Variants in SEPTIN1 observed in about 807,000 individuals in gnomAD.
SEPTIN1 encodes septin-1.
Under a neutral mutation model 50.7 loss-of-function variants are expected in SEPTIN1, and 52 were observed. The ratio of observed to expected loss-of-function variants is 1.03; its 90% CI spans 0.82 to 1.29. The LOEUF is 1.29. Among genes scored for constraint, SEPTIN1 ranks in the 50% most tolerant of loss-of-function variants. The pLI, the probability that SEPTIN1 is intolerant of heterozygous loss-of-function variation, is 0.00. For synonymous variants in SEPTIN1, 204 were observed against 189.1 expected, an observed-to-expected ratio of 1.08 and a Z score of -0.65; for missense variants, 455 against 490.7, an observed-to-expected ratio of 0.93 and a Z score of 0.69.
At chr16:30,379,637 CCTCT>C in intron 7 of SEPTIN1, 103 bp from the exon 8 acceptor site, 1 of 353,950 alleles carries the variant, frequency 2.8e-6, no homozygotes, top group Non-Finnish European at 4.8e-6. Context: ...CCTGCCCCTT[CCTCT>C]TTTTTTTTTT....
Position 30,382,072 on chromosome 16 carries a change from A to G in SEPTIN1, c.196+21T>C, listed in dbSNP as rs769559821. 3 of 1,579,428 alleles carry G rather than the reference A, an allele frequency of 1.9e-6. No homozygotes were observed. Among genetic ancestry groups the G allele is most frequent in the Non-Finnish European group, 2.6e-6 (3 of 1,161,938 alleles). Reference sequence around the variant, plus strand: ...CCTGGGGACAGGGGCTACTGCCTCAAGAGGGTGGGGAGGGTCTTACCACTG... The same window carrying G: ...CCTGGGGACAGGGGCTACTGCCTCAGGAGGGTGGGGAGGGTCTTACCACTG... On this transcript the variant is annotated intron_variant, in intron 3 of 10. Coordinates refer to ENST00000321367, the MANE Select transcript of SEPTIN1 (RefSeq NM_001365977.2). The surrounding 1 kb of genome is among the most constrained non-coding windows in gnomAD (Gnocchi z 4.8).
Position 30,381,074 on chromosome 16 carries a change from G to A in SEPTIN1, c.573+53C>T. On this transcript the variant is annotated intron_variant, in intron 6 of 10. Transcript: ENST00000321367. This position sits in a 1 kb window ranked among gnomAD's most constrained non-coding sequence, Gnocchi z 4.3. The stretch of plus-strand genomic sequence containing the variant: ...CTTCAAGATCAAAGAAGTCTAAGCT[G>A]AAATCAGGTTTGGCTTCACATGGGG... 1 of 1,385,510 alleles carries A rather than the reference G, an allele frequency of 7.2e-7. No individual in the cohort carries two copies. Among genetic ancestry groups the A allele is most frequent in the Non-Finnish European group, 1.0e-6 (1 of 971,204 alleles). The allele number at this position is 1,385,510 out of a possible 1,614,324, so 85.8% of individuals were successfully genotyped here.
Position 30,382,529 on chromosome 16 carries a change from ACT to A in SEPTIN1, c.12_13del (p.Val5HisfsTer25). The stretch of plus-strand genomic sequence containing the variant: ...TTTCTGGGTGTAAGGACTCACCATG[ACT>A]CCGCCAGCCATCACTGCACCTGCCG... On this transcript the variant is annotated frameshift_variant, in exon 1 of 11. Transcript: ENST00000321367. LOFTEE classifies it high-confidence loss of function. The surrounding 1 kb of genome is among the most constrained non-coding windows in gnomAD (Gnocchi z 4.8). 1 of 1,587,578 alleles carries A rather than the reference ACT, an allele frequency of 6.3e-7. No individual in the cohort carries two copies. Among genetic ancestry groups the A allele is most frequent in the Non-Finnish European group, 8.6e-7 (1 of 1,168,372 alleles).
At chr16:30,379,891 G>T in intron 7 of SEPTIN1, 41 bp downstream of exon 7, 1 of 1,098,006 alleles carries the variant, frequency 9.1e-7, no homozygotes, top group Non-Finnish European at 1.4e-6. Flanking sequence ...ACAGACGTGA[G>T]CCACCGTGCC....
rs765950053 is a variant in SEPTIN1, at chr16:30,381,170, G to C, written c.530C>G (p.Ala177Gly). Reference protein sequence around the residue: ...KVNIIPVIGKADALMPQETQA... With the variant: ...KVNIIPVIGKGDALMPQETQA... ...GGTTTCCTGGGGCATCAGAGCATCC[G>C]CTTTGCCAATGACTGGGATGATGTT... is the stretch of plus-strand genomic sequence containing the variant. The change falls in exon 6 of 11, where the codon GCG (alanine) becomes GGG (glycine). Residue 177 changes from alanine to glycine, a missense_variant. Transcript: ENST00000321367. The surrounding 1 kb of genome is among the most constrained non-coding windows in gnomAD (Gnocchi z 4.3). 1.2e-6 allele frequency: 2 copies of C among 1,614,084 alleles called. No individual in the cohort carries two copies. The highest frequency in any genetic ancestry group is 1.7e-6 in the Non-Finnish European group (2 of 1,180,000).
chr16:30,381,890 G>A lies in SEPTIN1; in HGVS notation c.197-7C>T. ...AGGGTCTGTGTCAAGCGAGCTGTGG[G>A]ATGGGGGAGAGGTCAGGGATCCGGG... is the stretch of plus-strand genomic sequence containing the variant. On this transcript the variant is annotated splice_region_variant and splice_polypyrimidine_tract_variant and intron_variant, in intron 3 of 10. Transcript: ENST00000321367. The surrounding 1 kb of genome is among the most constrained non-coding windows in gnomAD (Gnocchi z 4.3). The A allele has an allele frequency of 6.2e-7, 1 of 1,614,088 alleles. No individual in the cohort carries two copies.
At position 30,378,228 on chromosome 16, in the gene SEPTIN1, C is replaced by G; in HGVS notation, c.*206G>C. The G allele has an allele frequency of 1.5e-6, 1 of 672,904 alleles. No homozygotes were observed. The highest frequency in any genetic ancestry group is 2.6e-6 in the Non-Finnish European group (1 of 380,946). The allele number at this position is 672,904 out of a possible 1,614,324, so 41.7% of individuals were successfully genotyped here. ...TGATGCGGTCGGAGATTGTGCAGGC[C>G]CCGGGCCGGGAAGTGGGCGGTGTCT... is the stretch of plus-strand genomic sequence containing the variant. On this transcript the variant is annotated 3_prime_UTR_variant, in exon 11 of 11. Transcript: ENST00000321367.
chr16:30,381,416 C>T lies in SEPTIN1; in HGVS notation c.378G>A (p.Glu126=). The part of the protein sequence containing the change: ...EEQFEQYLRD[E]SGLNRKNIQD... ...GGATGTTCTTCCGGTTCAGGCCACT[C>T]TCATCCCTAAGGTACTGCTCAAATT... The change falls in exon 5 of 11, where the codon GAG becomes GAA. Residue 126 remains glutamate (E), a synonymous_variant. Coordinates refer to ENST00000321367, the MANE Select transcript of SEPTIN1 (RefSeq NM_001365977.2). The surrounding 1 kb of genome is among the most constrained non-coding windows in gnomAD (Gnocchi z 4.3). 1.2e-6 allele frequency: 2 copies of T among 1,614,036 alleles called. No homozygotes were observed. The highest frequency in any genetic ancestry group is 1.3e-5 in the African/African-American group (1 of 74,990).
chr16:30,378,524 T>C lies in SEPTIN1; in HGVS notation c.1033-4A>G. On this transcript the variant is annotated splice_region_variant and splice_polypyrimidine_tract_variant and intron_variant, in intron 10 of 10. Transcript: ENST00000321367. ...GCATCTCTTGCATGCGGCGCAGCTG[T>C]GCAGGGCGAGATTGCAGGCGGTGAC... 2.5e-6 allele frequency: 4 copies of C among 1,597,406 alleles called. No homozygotes were observed. Among genetic ancestry groups the C allele is most frequent in the South Asian group, 1.1e-5 (1 of 90,132 alleles).
rs1004168258 is a variant in SEPTIN1, at chr16:30,381,410, G to C, written c.384C>G (p.Gly128=). ...AGTCCTGGATGTTCTTCCGGTTCAG[G>C]CCACTCTCATCCCTAAGGTACTGCT... ...QFEQYLRDES[G]LNRKNIQDSR... is the part of the protein sequence containing the mutation. The change falls in exon 5 of 11, where the codon GGC becomes GGG. Residue 128 remains glycine (G), a synonymous_variant. Coordinates refer to ENST00000321367, the MANE Select transcript of SEPTIN1 (RefSeq NM_001365977.2). This position sits in a 1 kb window ranked among gnomAD's most constrained non-coding sequence, Gnocchi z 4.3. 15 of 1,613,856 alleles carry C rather than the reference G, an allele frequency of 9.3e-6. No individual in the cohort carries two copies. The Admixed American group carries it at 1.3e-4, about 14-fold the overall frequency.
chr16:30,378,759 G>A lies in SEPTIN1; in HGVS notation c.942-59C>T, dbSNP rs574977750. On this transcript the variant is annotated intron_variant, in intron 9 of 10. Transcript: ENST00000321367. ...AGCGGGACCTGAGGTTGTGGGTGAG[G>A]CCCAGGAGGCAGGGCCTGGGGCGAG... The A allele has an allele frequency of 7.2e-6, 11 of 1,530,028 alleles. No individual in the cohort carries two copies. The South Asian group carries it at 1.0e-4, about 14-fold the overall frequency. The allele number at this position is 1,530,028 out of a possible 1,614,324, so 94.8% of individuals were successfully genotyped here.
At position 30,378,426 on chromosome 16, in the gene SEPTIN1, G is replaced by A; in HGVS notation, c.*8C>T. The A allele has an allele frequency of 6.4e-7, 1 of 1,564,022 alleles. No individual in the cohort carries two copies. Among genetic ancestry groups the A allele is most frequent in the Non-Finnish European group, 8.6e-7 (1 of 1,165,022 alleles). On this transcript the variant is annotated 3_prime_UTR_variant, in exon 11 of 11. Transcript: ENST00000321367. ...CGGAGCCGAGGTAAGGCCGGGCGGGGCGTGGCCTCAGAGGGCGTCTGACTG... is the reference window on the plus strand; with the variant it reads ...CGGAGCCGAGGTAAGGCCGGGCGGGACGTGGCCTCAGAGGGCGTCTGACTG...
chr16:30,379,017 C>T lies in SEPTIN1; in HGVS notation c.941+1G>A. On this transcript the variant is annotated splice_donor_variant, in intron 9 of 10. Coordinates refer to ENST00000321367, the MANE Select transcript of SEPTIN1 (RefSeq NM_001365977.2). LOFTEE classifies it high-confidence loss of function. Reference sequence around the variant, plus strand: ...CTGATACTGTCCGCCCCGGGTCTCACCTGCGGCTGGCTCGATCGCGAGCCC... The same window carrying T: ...CTGATACTGTCCGCCCCGGGTCTCATCTGCGGCTGGCTCGATCGCGAGCCC... The T allele has an allele frequency of 3.1e-6, 5 of 1,612,690 alleles. No homozygotes were observed. Among genetic ancestry groups the T allele is most frequent in the Non-Finnish European group, 4.2e-6 (5 of 1,179,598 alleles).
chr16:30,381,597 T>A lies in SEPTIN1; in HGVS notation c.321-124A>T. 6.8e-7 allele frequency: 1 copy of A among 1,464,076 alleles called. No homozygotes were observed. Among genetic ancestry groups the A allele is most frequent in the Non-Finnish European group, 9.4e-7 (1 of 1,065,754 alleles). 90.7% of individuals were successfully genotyped at this position (1,464,076 alleles called of 1,614,324 possible). A position where few individuals can be genotyped will look rare whatever the true frequency, so the allele number is the denominator to read the frequency against. On this transcript the variant is annotated intron_variant, in intron 4 of 10. Coordinates refer to ENST00000321367, the MANE Select transcript of SEPTIN1 (RefSeq NM_001365977.2). The surrounding 1 kb of genome is among the most constrained non-coding windows in gnomAD (Gnocchi z 4.3). Reference sequence around the variant, plus strand: ...TCCCTCCAAAGACATTAAGGGGAACTGGTGGGGGCCTAGGTGAGTCATCAA... The same window carrying A: ...TCCCTCCAAAGACATTAAGGGGAACAGGTGGGGGCCTAGGTGAGTCATCAA...
rs755829950 is a variant in SEPTIN1 at position 30,382,191 on chromosome 16, A to G, written c.110-12T>C. On this transcript the variant is annotated splice_polypyrimidine_tract_variant and intron_variant, in intron 2 of 10. Coordinates refer to ENST00000321367, the MANE Select transcript of SEPTIN1 (RefSeq NM_001365977.2). This position sits in a 1 kb window ranked among gnomAD's most constrained non-coding sequence, Gnocchi z 4.8. Reference sequence around the variant, plus strand: ...TAGGCCTGACTCCCCTGTGGACAGAACAGGCCCAACTGGTCAGGGGAGGGG... The same window carrying G: ...TAGGCCTGACTCCCCTGTGGACAGAGCAGGCCCAACTGGTCAGGGGAGGGG... The G allele has an allele frequency of 6.2e-6, 10 of 1,612,350 alleles. No homozygotes were observed. The highest frequency in any genetic ancestry group is 1.3e-5 in the African/African-American group (1 of 74,848).
Position 30,381,138 on chromosome 16 carries a change from G to C in SEPTIN1, c.562C>G (p.Leu188Val). Residue 188 changes from leucine (L) to valine (V), a missense_variant, in exon 6 of 11, where the codon CTC becomes GTC. By Grantham distance (32) the Leu-to-Val change is conservative. Transcript: ENST00000321367. This position sits in a 1 kb window ranked among gnomAD's most constrained non-coding sequence, Gnocchi z 4.3. ...DALMPQETQA[L>V]KQKIRDQLKE... ...GTCATCACTCACACCTTCTGCTTGA[G>C]GGCCTGGGTTTCCTGGGGCATCAGA... 6.2e-7 allele frequency: 1 copy of C among 1,613,526 alleles called. No individual in the cohort carries two copies. The highest frequency in any genetic ancestry group is 2.2e-5 in the East Asian group (1 of 44,892).
chr16:30,381,094 A>G lies in SEPTIN1; in HGVS notation c.573+33T>C, dbSNP rs778196822. ...AAGCTGAAATCAGGTTTGGCTTCACATGGGGTCAAAGGTCAGAGGTCATCA... is the reference window on the plus strand; with the variant it reads ...AAGCTGAAATCAGGTTTGGCTTCACGTGGGGTCAAAGGTCAGAGGTCATCA... On this transcript the variant is annotated intron_variant, in intron 6 of 10. Transcript: ENST00000321367. The surrounding 1 kb of genome is among the most constrained non-coding windows in gnomAD (Gnocchi z 4.3). 11 of 1,544,048 alleles carry G rather than the reference A, an allele frequency of 7.1e-6. No individual in the cohort carries two copies. In the African/African-American group the frequency reaches 1.5e-4, roughly 21 times the overall value.
rs375701584 is a variant in SEPTIN1, at chr16:30,379,190, G to T, written c.776-7C>A. The T allele has an allele frequency of 1.7e-5, 27 of 1,613,556 alleles. No individual in the cohort carries two copies. Among genetic ancestry groups the T allele is most frequent in the Admixed American group, 5.0e-5 (3 of 59,988 alleles). Reference sequence around the variant, plus strand: ...CAGTGATGTGGGTTCTCCACTGGAGGGGGGGCGGCGCGGACCAGCGAACGT... The same window carrying T: ...CAGTGATGTGGGTTCTCCACTGGAGTGGGGGCGGCGCGGACCAGCGAACGT... On this transcript the variant is annotated splice_region_variant and splice_polypyrimidine_tract_variant and intron_variant, in intron 8 of 10. Coordinates refer to ENST00000321367, the MANE Select transcript of SEPTIN1 (RefSeq NM_001365977.2).
In SEPTIN1 at chr16:30,378,454, C is replaced by A. The variant is rs1053587490; in HGVS notation, c.1099G>T (p.Glu367Ter). The part of the protein sequence containing the change: ...AQMQQSQAQG[E>*]QSDAL ...TGGCCTCAGAGGGCGTCTGACTGCT[C>A]GCCCTGGGCCTGGCTCTGCTGCATT... is the stretch of plus-strand genomic sequence containing the variant. The change falls in exon 11 of 11, where the codon GAG (glutamate) becomes TAG (stop). Residue 367 changes from glutamate to a stop codon, truncating the protein, a stop_gained. Coordinates refer to ENST00000321367, the MANE Select transcript of SEPTIN1 (RefSeq NM_001365977.2). LOFTEE classifies it high-confidence loss of function. 1.3e-6 allele frequency: 2 copies of A among 1,569,962 alleles called. No individual in the cohort carries two copies. The highest frequency in any genetic ancestry group is 2.3e-5 in the East Asian group (1 of 44,250).
Sources: allele counts gnomAD v4.1 joint callset, GRCh38; gene constraint gnomAD v4.1.1; non-coding constraint Gnocchi (gnomAD v3.1); transcripts MANE v1.5; gene names NCBI Gene and HGNC (gene_info 2026-07-23, HGNC 2026-07-21).